COL5A1: variants seen among roughly 807,000 people sequenced by gnomAD.
COL5A1 encodes collagen type V alpha 1 chain.
In COL5A1, 16 loss-of-function variants were observed where a neutral mutation model predicts 263.7. That is an observed-to-expected ratio of 0.06 (90% confidence interval 0.04 to 0.09). The LOEUF is 0.09. COL5A1 is among the 10% of genes least tolerant of loss of function. The pLI, the probability that COL5A1 is intolerant of heterozygous loss-of-function variation, is 1.00. For missense variants in COL5A1, 2,036 were observed against 2,540.5 expected (o/e 0.80, Z 4.27); for synonymous variants, 1,012 against 1,004.5 (o/e 1.01, Z -0.14).
intron 51 of COL5A1, 140 bp downstream of exon 51, chr9:134,815,769 C>T: frequency 8.1e-7 from 1 of 1,234,144 alleles, no homozygotes; most frequent in Non-Finnish European, 1.2e-6. Flanking sequence ...CACTCGTGTT[C>T]CGGTGATCAG....
At chr9:134,731,758 C>G (rs1391953368) in intron 8 of COL5A1, 95 bp downstream of exon 8, 102 of 1,334,742 alleles carry the variant, frequency 7.6e-5, no homozygotes, top group Non-Finnish European at 1.0e-4. Flanking sequence ...GGGTGGGCCT[C>G]TACGGGCAGC....
At chr9:134,711,435 C>T (rs1300807554) in intron 4 of COL5A1, among the ~76,000 whole-genome samples, 1 of 152,110 alleles carries the variant, frequency 6.6e-6, no homozygotes, top group Non-Finnish European at 1.5e-5. Context: ...ACTTTTCTGC[C>T]AGCACCCTCC....
rs553117323 is a variant in COL5A1 at position 134,699,900 on chromosome 9, C to T, written c.278-9C>T. ...CCGACTGCCTTCTCACCTCTGTGCT[C>T]TGTTCCAGCGTCTGCATTTCCCGAG... is the stretch of plus-strand genomic sequence containing the variant. On this transcript the variant is annotated splice_polypyrimidine_tract_variant and intron_variant, in intron 2 of 65. Transcript: ENST00000371817. 4 of 1,613,794 alleles carry T rather than the reference C, an allele frequency of 2.5e-6. No individual in the cohort carries two copies. The East Asian group carries it at 8.9e-5, about 36-fold the overall frequency.
At chr9:134,644,843 G>A (rs1295292294) in intron 1 of COL5A1, among the ~76,000 whole-genome samples, 1 of 152,220 alleles carries the variant, frequency 6.6e-6, no homozygotes, top group Non-Finnish European at 1.5e-5. Context: ...CTCCAGTCAC[G>A]TGATTGCTTT....
intron 19 of COL5A1, 70 bp from the exon 20 acceptor site, chr9:134,763,623 C>T: frequency 6.7e-7 from 1 of 1,493,212 alleles, no homozygotes; most frequent in Admixed American, 1.7e-5. Flanking sequence ...CCCTTGTGCA[C>T]CACTGAGGGG....
intron 49 of COL5A1, 124 bp downstream of exon 49, chr9:134,814,160 T>C: frequency 1.1e-6 from 1 of 941,234 alleles, no homozygotes; most frequent in Non-Finnish European, 1.6e-6. Flanking sequence ...TTGTAACCCC[T>C]CTTGTGCCCA....
intron 1 of COL5A1, among the ~76,000 whole-genome samples, chr9:134,668,049 A>G (rs1187338798): frequency 6.6e-6 from 1 of 152,176 alleles, no homozygotes; most frequent in African/African-American, 2.4e-5. Flanking sequence ...TGTACCAGGC[A>G]CTTTGGGTCA....
At chr9:134,719,224 A>C (rs1479862592) in intron 4 of COL5A1, among the ~76,000 whole-genome samples, 1 of 152,190 alleles carries the variant, frequency 6.6e-6, no homozygotes, top group African/African-American at 2.4e-5. Flanking sequence ...GGCATGCCAT[A>C]CCATATACAT....
chr9:134,809,335 G>C, intron 43 of COL5A1, 45 bp downstream of exon 43: 2 of 1,447,630 alleles, frequency 1.4e-6, no homozygotes, highest in Non-Finnish European at 1.9e-6. Flanking sequence ...TGGCTGGGCA[G>C]ACGGGTGTGG....
At chr9:134,752,432 C>G (rs1359684204) in intron 13 of COL5A1, among the ~76,000 whole-genome samples, 157 bp from the exon 14 acceptor site, 2 of 147,666 alleles carry the variant, frequency 1.4e-5, no homozygotes, top group African/African-American at 5.2e-5. Context: ...GGGGGGGGGG[C>G]CCTTGGGGAG....
chr9:134,802,736 A>G (rs1289281968), intron 38 of COL5A1, 152 bp from the exon 39 acceptor site: 10 of 692,312 alleles, frequency 1.4e-5, no homozygotes, highest in Non-Finnish European at 2.6e-5. Context: ...TTTTGCCGGG[A>G]AGAGAAGGCT....
chr9:134,784,955 G>GGGGCC, intron 29 of COL5A1, 34 bp from the exon 30 acceptor site: 1 of 1,502,000 alleles, frequency 6.7e-7, no homozygotes, highest in Non-Finnish European at 9.3e-7. Context: ...TGTGCGGGGG[G>GGGGCC]TGGTCTTCTC....
intron 1 of COL5A1, among the ~76,000 whole-genome samples, chr9:134,648,705 G>A (rs1319821968): frequency 6.6e-6 from 1 of 152,216 alleles, no homozygotes; most frequent in Non-Finnish European, 1.5e-5. Flanking sequence ...TCTACTCGCT[G>A]GCCTGTGCGT....
At chr9:134,823,973 T>C (rs79992134) in intron 61 of COL5A1, among the ~76,000 whole-genome samples, 2,158 of 152,148 alleles carry the variant, frequency 0.014, 26 homozygotes, top group Non-Finnish European at 0.019. Context: ...CGTGTGTGTG[T>C]GCATATGTAT....
At chr9:134,692,955 C>A (rs1833335501) in intron 2 of COL5A1, among the ~76,000 whole-genome samples, 1 of 152,126 alleles carries the variant, frequency 6.6e-6, no homozygotes, top group African/African-American at 2.4e-5. Flanking sequence ...CGCCTGTAAT[C>A]CCAGCTATTC....
chr9:134,759,813 CGCAT>C (rs1836221381), intron 18 of COL5A1, among the ~76,000 whole-genome samples: 1 of 88,462 alleles, frequency 1.1e-5, no homozygotes, highest in Admixed American at 1.2e-4. Context: ...CATGCACACA[CGCAT>C]ACACACCCAC....
chr9:134,817,950 A>G lies in COL5A1; in HGVS notation c.4230+119A>G, dbSNP rs1166765126. Reference sequence around the variant, plus strand: ...CATGGAGGCTGAGAGTGGCTGCCCCAGGGGCACCTGGCTCATGGCCTACCT... The same window carrying G: ...CATGGAGGCTGAGAGTGGCTGCCCCGGGGGCACCTGGCTCATGGCCTACCT... On this transcript the variant is annotated intron_variant, in intron 54 of 65. Transcript: ENST00000371817. 4.9e-6 allele frequency: 5 copies of G among 1,022,730 alleles called. No homozygotes were observed. The Admixed American group carries it at 6.0e-5, about 12-fold the overall frequency. The allele number at this position is 1,022,730 out of a possible 1,614,324, so 63.4% of individuals were successfully genotyped here.
chr9:134,669,235 TCCTTCCCTTCCCTTC>T (rs1217326937), intron 1 of COL5A1, among the ~76,000 whole-genome samples: 52 of 20,194 alleles, frequency 2.6e-3, no homozygotes, highest in South Asian at 0.011. Flanking sequence ...CCCTTCCCTT[TCCTTCCCTTCCCTTC>T]CCTTCCCTTC....
rs1831706164 is a variant in COL5A1, at chr9:134,652,056, C to A, written c.109+9760C>A. On this transcript the variant is annotated intron_variant, in intron 1 of 65. Transcript: ENST00000371817. The surrounding 1 kb of genome is among the most constrained non-coding windows in gnomAD (Gnocchi z 4.4). ...AGGAAAGGAGAAAGTGACACTGACT[C>A]TTCTCAGAGCCTTTGGCTACAGAGT... 6.6e-6 allele frequency among the ~76,000 whole-genome samples: 1 copy of A among 152,132 alleles called. No individual in the cohort carries two copies. Among genetic ancestry groups the A allele is most frequent in the African/African-American group, 2.4e-5 (1 of 41,436 alleles).
Sources: gnomAD v4.1 joint callset for allele counts (sites outside exome capture counted in the v4.1 genomes callset) on GRCh38, gnomAD v4.1.1 for gene constraint, Gnocchi (gnomAD v3.1) non-coding constraint, MANE v1.5 for transcripts, NCBI Gene and HGNC (gene_info 2026-07-23, HGNC 2026-07-21) for gene names.